Variants in PDK3 observed in about 807,000 individuals in gnomAD.
The protein encoded by PDK3 is pyruvate dehydrogenase kinase 3.
A neutral mutation model predicts 32.0 loss-of-function variants in PDK3; 12 were observed. The observed-to-expected ratio is 0.37, with a 90% CI of 0.24 to 0.61. The LOEUF (loss-of-function observed/expected upper bound fraction) is 0.61. PDK3 is among the 20% of genes least tolerant of loss of function. The probability of loss-of-function intolerance (pLI) is 0.65; values close to 1 mark genes in which losing one functional copy is unlikely to be tolerated. For synonymous variants in PDK3, 122 were observed against 116.3 expected (o/e 1.05, Z -0.31); for missense variants, 188 against 316.9 (o/e 0.59, Z 3.09).
At chrX:24,526,439 T>C (rs1569227038) in intron 7 of PDK3, among the ~76,000 whole-genome samples, 165 bp downstream of exon 7, 1 of 112,370 alleles carries the variant, frequency 8.9e-6, no homozygotes, top group African/African-American at 3.2e-5. Context: ...CACTGTGAGA[T>C]GAGAAATTGC....
chrX:24,484,857 T>C (rs916151126), intron 1 of PDK3, among the ~76,000 whole-genome samples: 2 of 111,129 alleles, frequency 1.8e-5, no homozygotes, highest in Admixed American at 9.6e-5. Flanking sequence ...TCTCTCTCTC[T>C]CTCTCTCTCA....
chrX:24,494,973 G>C lies in PDK3; in HGVS notation c.248+90G>C. The C allele has an allele frequency of 3.9e-6, 3 of 763,802 alleles. No homozygotes were observed. In the Admixed American group the frequency reaches 9.3e-5, roughly 24 times the overall value. 62.9% of individuals were successfully genotyped at this position (763,802 alleles called of 1,213,427 possible). ...CATTCTCTGTAAAAGTGCACATACT[G>C]CCCGTCTAGGTAGGAATGAGTCATT... On this transcript the variant is annotated intron_variant, in intron 2 of 10. Transcript: ENST00000379162.
At chrX:24,531,136 G>T (rs1399819640) in intron 9 of PDK3, among the ~76,000 whole-genome samples, 1 of 109,531 alleles carries the variant, frequency 9.1e-6, no homozygotes, top group East Asian at 2.9e-4. Flanking sequence ...CGCCATCTCA[G>T]CTCACTGCAA....
chrX:24,473,859 T>G (rs1312038601), intron 1 of PDK3, among the ~76,000 whole-genome samples: 1 of 112,118 alleles, frequency 8.9e-6, no homozygotes, highest in Non-Finnish European at 1.9e-5. Flanking sequence ...GGTGGCTCCT[T>G]GTTATATTTG....
At chrX:24,495,589 T>C (rs1339057814) in intron 2 of PDK3, among the ~76,000 whole-genome samples, 3 of 112,557 alleles carry the variant, frequency 2.7e-5, no homozygotes, top group African/African-American at 9.7e-5. Context: ...AACAGCCACA[T>C]GGGAGAGATG....
exon 12 of PDK3, among the ~76,000 whole-genome samples, chrX:24,541,034 C>T (rs1209392): frequency 0.17 from 17,934 of 102,924 alleles, 1,467 homozygotes; most frequent in Middle Eastern, 0.26. Flanking sequence ...CTCAGCCTCC[C>T]GAATAGCTGG....
chrX:24,518,498 G>GAACA (rs945665558), intron 5 of PDK3, among the ~76,000 whole-genome samples: 7 of 110,017 alleles, frequency 6.4e-5, no homozygotes, highest in Non-Finnish European at 1.3e-4. Context: ...ACAAACAAAC[G>GAACA]AACAAACAAA....
intron 1 of PDK3, among the ~76,000 whole-genome samples, chrX:24,483,600 G>C (rs930501317): frequency 4.5e-5 from 5 of 112,263 alleles, no homozygotes; most frequent in Middle Eastern, 4.6e-3. Context: ...GCCTGTAAGA[G>C]GGATTTACCG....
chrX:24,519,366 C>CTTT (rs1201625079), intron 6 of PDK3, among the ~76,000 whole-genome samples: 14 of 86,675 alleles, frequency 1.6e-4, no homozygotes, highest in Middle Eastern at 6.1e-3. Flanking sequence ...AGACAAATGC[C>CTTT]TTTTTTTTTT....
At chrX:24,546,524 A>G (rs1922999688) in exon 12 of PDK3, 1 of 111,932 alleles carries the variant, frequency 8.9e-6, no homozygotes, top group African/African-American at 3.3e-5. Flanking sequence ...TAAAATGACA[A>G]CAATATTTTG....
At chrX:24,518,373 C>G (rs141823768) in intron 5 of PDK3, among the ~76,000 whole-genome samples, 36,784 of 110,586 alleles carry the variant, frequency 0.33, 4,473 homozygotes, top group Middle Eastern at 0.39. Flanking sequence ...ATCCCAGCTA[C>G]TCGGGAGGCT....
intron 6 of PDK3, among the ~76,000 whole-genome samples, chrX:24,523,510 C>T (rs1239727329): frequency 8.9e-6 from 1 of 111,976 alleles, no homozygotes; most frequent in Non-Finnish European, 1.9e-5. Flanking sequence ...ACTCTGGGGG[C>T]AGGGCCAGGT....
At chrX:24,546,763 G>A (rs1282986920) in exon 12 of PDK3, 1 of 111,852 alleles carries the variant, frequency 8.9e-6, no homozygotes, top group African/African-American at 3.2e-5. Flanking sequence ...TTAACAACTG[G>A]AGAAGAAGAT....
intron 5 of PDK3, among the ~76,000 whole-genome samples, chrX:24,510,829 T>G (rs1922099976): frequency 8.9e-6 from 1 of 112,174 alleles, no homozygotes; most frequent in Non-Finnish European, 1.9e-5. Context: ...AGTTACTTTT[T>G]CTACCCTGGC....
At chrX:24,543,197 G>A (rs1017785738) in exon 12 of PDK3, among the ~76,000 whole-genome samples, 5 of 112,085 alleles carry the variant, frequency 4.5e-5, no homozygotes, top group South Asian at 3.7e-4. Context: ...GCCTCACTGC[G>A]TTTTGTATCA....
intron 1 of PDK3, among the ~76,000 whole-genome samples, chrX:24,481,959 T>A (rs895688700): frequency 1.8e-5 from 2 of 111,888 alleles, no homozygotes; most frequent in African/African-American, 3.3e-5. Context: ...ATCAGCTAGT[T>A]TTTGGTATAA....
chrX:24,486,601 G>A (rs1053695057), intron 1 of PDK3, among the ~76,000 whole-genome samples: 3 of 111,057 alleles, frequency 2.7e-5, no homozygotes, highest in African/African-American at 9.8e-5. Flanking sequence ...CCAGTATTTG[G>A]CTCTTTGTCT....
intron 9 of PDK3, among the ~76,000 whole-genome samples, chrX:24,530,825 A>G (rs997780802): frequency 1.8e-5 from 2 of 111,929 alleles, no homozygotes; most frequent in Non-Finnish European, 3.8e-5. Flanking sequence ...AAATACCTGA[A>G]CTACAATATA....
rs190097420 is a variant in PDK3 at position 24,530,595 on chromosome X, G to A, written c.964-1062G>A. On this transcript the variant is annotated intron_variant, in intron 9 of 10. Coordinates refer to ENST00000379162, the MANE Select transcript of PDK3 (RefSeq NM_005391.5). ...AGGCCCATGTGACTCTGTGCACATG[G>A]TCCCCTGCCCTCCTTCCTTAACCTT... is the stretch of plus-strand genomic sequence containing the variant. 5.4e-5 allele frequency among the ~76,000 whole-genome samples: 6 copies of A among 110,944 alleles called. No homozygotes were observed. The East Asian group carries it at 1.7e-3, about 32-fold the overall frequency.
Sources: allele counts gnomAD v4.1 joint callset (sites outside exome capture counted in the v4.1 genomes callset), GRCh38; gene constraint gnomAD v4.1.1; transcripts MANE v1.5; gene names NCBI Gene and HGNC (gene_info 2026-07-23, HGNC 2026-07-21).